Variants in MTUS1 observed in about 807,000 individuals in gnomAD.
The protein encoded by MTUS1 is microtubule-associated tumor suppressor 1.
In MTUS1, 109 loss-of-function variants were observed where a neutral mutation model predicts 120.8. The observed-to-expected ratio is 0.90, with a 90% CI of 0.77 to 1.06. MTUS1 has a LOEUF of 1.06. MTUS1 is among the 50% of genes least tolerant of loss of function. MTUS1 has a pLI of 0.00. For synonymous variants in MTUS1, 737 were observed against 550.5 expected (o/e 1.34, Z -4.74); for missense variants, 2,210 against 1,486.3 (o/e 1.49, Z -8.01).
chr8:17,777,266 A>G (rs1271574085), intron 1 of MTUS1, among the ~76,000 whole-genome samples: 1 of 151,922 alleles, frequency 6.6e-6, no homozygotes, highest in African/African-American at 2.4e-5. Context: ...GCAAAACTCC[A>G]TCTCTACTAA....
At chr8:17,756,671 A>ACCCACCCC (rs1554526124) in intron 1 of MTUS1, among the ~76,000 whole-genome samples, 5 of 117,484 alleles carry the variant, frequency 4.3e-5, no homozygotes, top group Non-Finnish European at 8.5e-5. Context: ...TCAAGCCCAA[A>ACCCACCCC]CCCCCACCCC....
At chr8:17,692,742 T>C (rs1042518095) in intron 6 of MTUS1, among the ~76,000 whole-genome samples, 8 of 152,180 alleles carry the variant, frequency 5.3e-5, no homozygotes, top group Admixed American at 5.2e-4. Context: ...ACTTGGGTGA[T>C]GAAATCATCT....
At chr8:17,790,666 T>A (rs2051702983) in intron 1 of MTUS1, among the ~76,000 whole-genome samples, 1 of 152,174 alleles carries the variant, frequency 6.6e-6, no homozygotes, top group Admixed American at 6.6e-5. Context: ...CTCAGCTATG[T>A]CATTTGAAAT....
intron 8 of MTUS1, among the ~76,000 whole-genome samples, chr8:17,665,596 A>C (rs1395116633): frequency 2.6e-5 from 4 of 152,094 alleles, no homozygotes; most frequent in Non-Finnish European, 5.9e-5. Context: ...CCGGGCATCA[A>C]GCGATCTGTC....
At chr8:17,709,243 T>C (rs1433991494) in intron 6 of MTUS1, among the ~76,000 whole-genome samples, 1 of 152,138 alleles carries the variant, frequency 6.6e-6, no homozygotes, top group Non-Finnish European at 1.5e-5. Context: ...ATATTTGTTA[T>C]TCATGTTATT....
chr8:17,686,178 C>T (rs1466572097), intron 6 of MTUS1, among the ~76,000 whole-genome samples: 2 of 152,216 alleles, frequency 1.3e-5, no homozygotes, highest in African/African-American at 4.8e-5. Flanking sequence ...TGAATGTCTT[C>T]CCTGGATGTA....
Position 17,676,184 on chromosome 8 carries a change from T to G in MTUS1, c.2839-932A>C, listed in dbSNP as rs2301543. ...CCGGCCTTTGCAGGCAAGAGTTGCTTGTCATTCAAAGCATTTTCCCTGAAT... is the reference window on the plus strand; with the variant it reads ...CCGGCCTTTGCAGGCAAGAGTTGCTGGTCATTCAAAGCATTTTCCCTGAAT... On this transcript the variant is annotated intron_variant, in intron 7 of 14. Coordinates refer to ENST00000693296, the MANE Select transcript of MTUS1 (RefSeq NM_001363059.2). 4.1e-4 allele frequency: 288 copies of G among 695,254 alleles called. 1 individual carries two copies. In the East Asian group the frequency reaches 7.7e-3, roughly 18 times the overall value. 43.1% of individuals were successfully genotyped at this position (695,254 alleles called of 1,614,324 possible).
chr8:17,653,337 C>T, intron 11 of MTUS1, 56 bp from the exon 12 acceptor site: 1 of 1,481,910 alleles, frequency 6.7e-7, no homozygotes, highest in South Asian at 1.3e-5. Flanking sequence ...AGAAACTCAG[C>T]ATACGTACAC....
Position 17,675,172 on chromosome 8 carries a change from CA to C in MTUS1, c.2905+13del. On this transcript the variant is annotated intron_variant, in intron 8 of 14. Transcript: ENST00000693296. ...GTCCCATAAAATTTAACAACAACAA[CA>C]AAAAGCTCTTACCTAGCTCTCCCCG... 6.2e-7 allele frequency: 1 copy of C among 1,613,960 alleles called. No homozygotes were observed. Among genetic ancestry groups the C allele is most frequent in the Non-Finnish European group, 8.5e-7 (1 of 1,179,872 alleles).
At chr8:17,671,134 A>T (rs151132459) in intron 8 of MTUS1, among the ~76,000 whole-genome samples, 2 of 152,200 alleles carry the variant, frequency 1.3e-5, no homozygotes, top group African/African-American at 4.8e-5. Flanking sequence ...ATTACACCTT[A>T]ATTTAAAAAA....
chr8:17,763,372 C>T (rs1024210512), intron 1 of MTUS1, among the ~76,000 whole-genome samples: 3 of 152,166 alleles, frequency 2.0e-5, no homozygotes, highest in Admixed American at 6.5e-5. Flanking sequence ...CTCAAGACAG[C>T]TCATATTTTG....
intron 1 of MTUS1, among the ~76,000 whole-genome samples, chr8:17,778,127 T>C (rs536610415): frequency 2.0e-5 from 3 of 152,294 alleles, no homozygotes. Context: ...ATAACCCAAA[T>C]GTCCATCACG....
At chr8:17,646,199 T>C (rs1805755969) in intron 14 of MTUS1, 60 bp from the exon 15 acceptor site, 5 of 1,464,102 alleles carry the variant, frequency 3.4e-6, no homozygotes, top group African/African-American at 1.4e-5. Context: ...ACTTGAAAAA[T>C]TTTTCTTAGC....
At chr8:17,773,864 T>A (rs530363366) in intron 1 of MTUS1, among the ~76,000 whole-genome samples, 2 of 152,144 alleles carry the variant, frequency 1.3e-5, no homozygotes, top group Admixed American at 6.5e-5. Context: ...TGGACACAGA[T>A]CTACACATGC....
chr8:17,787,310 TGACA>T (rs1479898256), intron 1 of MTUS1, among the ~76,000 whole-genome samples: 5 of 152,246 alleles, frequency 3.3e-5, no homozygotes, highest in African/African-American at 9.6e-5. Context: ...CAGTCCCATG[TGACA>T]GACAGGTCAC....
At chr8:17,710,703 G>A (rs1328765537) in intron 6 of MTUS1, among the ~76,000 whole-genome samples, 1 of 152,120 alleles carries the variant, frequency 6.6e-6, no homozygotes, top group African/African-American at 2.4e-5. Context: ...CTTTTCAGAA[G>A]GTTTTCAACT....
intron 2 of MTUS1, among the ~76,000 whole-genome samples, chr8:17,753,237 G>C (rs1012228612): frequency 6.6e-6 from 1 of 152,210 alleles, no homozygotes; most frequent in Admixed American, 6.5e-5. Flanking sequence ...GAACACTCTT[G>C]CTCATACAAG....
intron 1 of MTUS1, among the ~76,000 whole-genome samples, chr8:17,799,479 C>G (rs183741095): frequency 4.6e-5 from 7 of 152,132 alleles, no homozygotes; most frequent in Admixed American, 2.0e-4. Flanking sequence ...GCTGAAATTG[C>G]TTAACTCACT....
chr8:17,667,296 T>G (rs1811117308), intron 8 of MTUS1, among the ~76,000 whole-genome samples: 1 of 152,212 alleles, frequency 6.6e-6, no homozygotes. Flanking sequence ...TACAGTTGGT[T>G]TTCAGTATAT....
Sources: gnomAD v4.1 joint callset for allele counts (sites outside exome capture counted in the v4.1 genomes callset) on GRCh38, gnomAD v4.1.1 for gene constraint, MANE v1.5 for transcripts, NCBI Gene and HGNC (gene_info 2026-07-23, HGNC 2026-07-21) for gene names.